The following ARFGEF1 variants were observed in gnomAD, a reference collection of about 807,000 sequenced individuals.
The protein encoded by ARFGEF1 is ARF guanine nucleotide exchange factor 1.
Under a neutral mutation model 231.0 loss-of-function variants are expected in ARFGEF1, and 42 were observed. The ratio of observed to expected loss-of-function variants is 0.18; its 90% CI spans 0.14 to 0.24. The LOEUF is 0.24. ARFGEF1 is among the 10% of genes least tolerant of loss of function. The pLI is 1.00. For missense variants in ARFGEF1, 1,345 were observed against 2,192.0 expected (o/e 0.61, Z 7.72); for synonymous variants, 710 against 732.3 (o/e 0.97, Z 0.49).
downstream of ARFGEF1, among the ~76,000 whole-genome samples, chr8:67,197,410 C>CTGCACTCCAGCCTGGACAA (rs1670243254): frequency 6.6e-6 from 1 of 152,096 alleles, no homozygotes; most frequent in Admixed American, 6.6e-5. Flanking sequence ...GCTCATACCA[C>CTGCACTCCAGCCTGGACAA]TGCACTCCAG....
intron 1 of ARFGEF1, among the ~76,000 whole-genome samples, chr8:67,313,698 T>C (rs1807176401): frequency 6.6e-6 from 1 of 152,190 alleles, no homozygotes; most frequent in African/African-American, 2.4e-5. Context: ...GTGAAATTCT[T>C]AGCTTTGATG....
intron 17 of ARFGEF1, among the ~76,000 whole-genome samples, chr8:67,254,712 A>G (rs1356991687): frequency 6.6e-6 from 1 of 152,208 alleles, no homozygotes; most frequent in South Asian, 2.1e-4. Flanking sequence ...TGTAACTGGG[A>G]TATATACACT....
At chr8:67,195,762 C>T (rs1368859449), downstream of ARFGEF1, 1 of 598,880 alleles carries the variant, frequency 1.7e-6, no homozygotes, top group Non-Finnish European at 3.0e-6. Context: ...AATAAAAGGC[C>T]ATGATTATTG....
chr8:67,225,931 A>T, intron 28 of ARFGEF1, 92 bp downstream of exon 28: 1 of 1,251,636 alleles, frequency 8.0e-7, no homozygotes, highest in Non-Finnish European at 1.1e-6. Context: ...TGAAAAATAA[A>T]TGCTTCATAT....
At chr8:67,341,923 C>T (rs1808647779) in intron 1 of ARFGEF1, among the ~76,000 whole-genome samples, 1 of 152,058 alleles carries the variant, frequency 6.6e-6, no homozygotes, top group South Asian at 2.1e-4. Flanking sequence ...GATGAAATTT[C>T]TTCGACGTTT....
In ARFGEF1 at chr8:67,287,965, A is replaced by G. The variant is rs1805829530; in HGVS notation, c.1017T>C (p.Ile339=). The part of the protein sequence containing the change: ...VQNIVEEMVN[I]VVGDMGEGTT... ...AATGAAGTATACTACCTCCAACAAC[A>G]ATGTTCACCATTTCTTCTACAATGT... is the stretch of plus-strand genomic sequence containing the variant. Residue 339 remains isoleucine (I), a synonymous_variant, in exon 7 of 39, where the codon ATT becomes ATC. Coordinates refer to ENST00000262215, the MANE Select transcript of ARFGEF1 (RefSeq NM_006421.5). The G allele has an allele frequency of 1.3e-6, 2 of 1,583,144 alleles. No homozygotes were observed. The highest frequency in any genetic ancestry group is 2.7e-5 in the African/African-American group (2 of 73,004).
intron 5 of ARFGEF1, among the ~76,000 whole-genome samples, chr8:67,183,872 A>G (rs1270500938): frequency 3.5e-5 from 2 of 57,882 alleles, no homozygotes; most frequent in African/African-American, 1.9e-4. Flanking sequence ...TTTTTTTTTT[A>G]GACAAAGTCT....
At chr8:67,252,409 C>T (rs564405034) in intron 18 of ARFGEF1, among the ~76,000 whole-genome samples, 7 of 151,312 alleles carry the variant, frequency 4.6e-5, no homozygotes, top group East Asian at 2.0e-4. Flanking sequence ...TTGGCGTTTT[C>T]GGCACACCAC....
In ARFGEF1 at chr8:67,227,950, G is replaced by A; in HGVS notation, c.3591+13C>T. 6.5e-7 allele frequency: 1 copy of A among 1,538,928 alleles called. No homozygotes were observed. The highest frequency in any genetic ancestry group is 8.7e-7 in the Non-Finnish European group (1 of 1,152,034). ...ACTACAAATGTAAACAAACACCATA[G>A]TTATTCAAATACCTTATTAAAATGA... On this transcript the variant is annotated intron_variant, in intron 25 of 38. Coordinates refer to ENST00000262215, the MANE Select transcript of ARFGEF1 (RefSeq NM_006421.5).
intron 5 of ARFGEF1, among the ~76,000 whole-genome samples, chr8:67,186,390 A>C (rs1834583269): frequency 6.7e-6 from 1 of 149,962 alleles, no homozygotes; most frequent in East Asian, 2.0e-4. Flanking sequence ...AAAAATATAC[A>C]TGTGAAATAA....
intron 7 of ARFGEF1, among the ~76,000 whole-genome samples, chr8:67,285,100 G>C (rs774529547): frequency 6.6e-6 from 1 of 151,670 alleles, no homozygotes; most frequent in Non-Finnish European, 1.5e-5. Flanking sequence ...ATTTTTAAAG[G>C]GGGGGGTGGG....
At chr8:67,282,847 C>CAAAAAAAAAAAAAAAAAAAAAAAAAAAAA (rs113498447) in intron 7 of ARFGEF1, among the ~76,000 whole-genome samples, 1 of 116,294 alleles carries the variant, frequency 8.6e-6, no homozygotes, top group African/African-American at 3.2e-5. Flanking sequence ...GACTTCATCT[C>CAAAAAAAAAAAAAAAAAAAAAAAAAAAAA]AAAAAAAAAA....
chr8:67,329,612 A>G (rs545921287), intron 1 of ARFGEF1, among the ~76,000 whole-genome samples: 153 of 151,260 alleles, frequency 1.0e-3, no homozygotes, highest in African/African-American at 3.4e-3. Context: ...GCTAGAAAAA[A>G]AGCAAATATT....
chr8:67,279,171 T>G (rs746440361), intron 7 of ARFGEF1, among the ~76,000 whole-genome samples: 13 of 152,298 alleles, frequency 8.5e-5, no homozygotes, highest in African/African-American at 3.1e-4. Flanking sequence ...AAACTAACAA[T>G]GATTATTAGA....
At chr8:67,296,718 A>G (rs1168953666) in intron 4 of ARFGEF1, 108 bp from the exon 5 acceptor site, 10 of 827,646 alleles carry the variant, frequency 1.2e-5, no homozygotes, top group African/African-American at 5.2e-5. Context: ...TAGTGTGATC[A>G]TAGTTCACTG....
intron 10 of ARFGEF1, among the ~76,000 whole-genome samples, chr8:67,268,306 C>G (rs1804932031): frequency 6.6e-6 from 1 of 152,074 alleles, no homozygotes; most frequent in Non-Finnish European, 1.5e-5. Context: ...CAGTAATGAC[C>G]AGGTCTTTCT....
At chr8:67,311,553 GGGA>G (rs1283746114) in intron 1 of ARFGEF1, among the ~76,000 whole-genome samples, 2 of 147,032 alleles carry the variant, frequency 1.4e-5, no homozygotes, top group African/African-American at 5.0e-5. Flanking sequence ...CGCCCAGTCT[GGGA>G]GGGAGATGGG....
At chr8:67,339,435 G>C (rs1808496380) in intron 1 of ARFGEF1, among the ~76,000 whole-genome samples, 2 of 151,938 alleles carry the variant, frequency 1.3e-5, no homozygotes, top group African/African-American at 4.8e-5. Flanking sequence ...AGCATAAGCT[G>C]AACTAGTCAC....
At position 67,190,871 on chromosome 8, in the gene ARFGEF1, C is replaced by T. The variant is rs113407965; in HGVS notation, c.560+9525G>A. On this transcript the variant is annotated intron_variant, in intron 5 of 5. Coordinates refer to the ARFGEF1 transcript ENST00000518789. ...AAAGAGCACTTGCTTGAAATTCAGA[C>T]ATGGGTCTGAATCTAGGCTCTGCCT... 12 of 752,188 alleles carry T rather than the reference C, an allele frequency of 1.6e-5. 1 individual carries two copies. The highest frequency in any genetic ancestry group is 1.7e-5 in the African/African-American group (1 of 58,286). The allele number at this position is 752,188 out of a possible 1,614,324, so 46.6% of individuals were successfully genotyped here. A position where few individuals can be genotyped will look rare whatever the true frequency, so the allele number is the denominator to read the frequency against.
Sources: allele counts gnomAD v4.1 joint callset (sites outside exome capture counted in the v4.1 genomes callset), GRCh38; gene constraint gnomAD v4.1.1; transcripts MANE v1.5; gene names NCBI Gene and HGNC (gene_info 2026-07-23, HGNC 2026-07-21).